The following ADCY5 variants were observed in gnomAD, a reference collection of about 807,000 sequenced individuals.
ADCY5 encodes the protein adenylate cyclase 5.
In ADCY5, 30 loss-of-function variants were observed where a neutral mutation model predicts 119.7. The observed-to-expected ratio is 0.25, with a 90% CI of 0.19 to 0.34. The LOEUF (loss-of-function observed/expected upper bound fraction) is 0.34. ADCY5 is among the 10% of genes least tolerant of loss of function. The pLI, the probability that ADCY5 is intolerant of heterozygous loss-of-function variation, is 1.00. For synonymous variants in ADCY5, 753 were observed against 762.2 expected, an observed-to-expected ratio of 0.99 and a Z score of 0.20; for missense variants, 1,324 against 1,775.2, an observed-to-expected ratio of 0.75 and a Z score of 4.57.
chr3:123,347,959 C>T (rs1295749201), intron 2 of ADCY5, 56 bp from the exon 3 acceptor site: 26 of 1,608,392 alleles, frequency 1.6e-5, no homozygotes, highest in Non-Finnish European at 2.2e-5. Context: ...CTGGCAAGTG[C>T]TCGCTCCTCC....
intron 1 of ADCY5, among the ~76,000 whole-genome samples, chr3:123,378,581 C>T (rs1175571639): frequency 1.3e-5 from 2 of 152,174 alleles, no homozygotes; most frequent in Non-Finnish European, 2.9e-5. Context: ...TCTCACTCCT[C>T]GGGCTCCAGA....
intron 1 of ADCY5, among the ~76,000 whole-genome samples, chr3:123,373,575 G>A (rs1943710315): frequency 6.6e-6 from 1 of 152,334 alleles, no homozygotes; most frequent in South Asian, 2.1e-4. Flanking sequence ...TTAGGACAGA[G>A]GTCCTTGACA....
chr3:123,439,076 C>CTTTTTTTTT (rs57503913), intron 1 of ADCY5, among the ~76,000 whole-genome samples: 1 of 64,728 alleles, frequency 1.5e-5, no homozygotes, highest in African/African-American at 6.5e-5. Context: ...CCCTAAAGTG[C>CTTTTTTTTT]TTTTTTTTTT....
chr3:123,299,661 T>C (rs2108244930), intron 15 of ADCY5, among the ~76,000 whole-genome samples: 1 of 152,286 alleles, frequency 6.6e-6, no homozygotes. Flanking sequence ...TGCCCAGCCT[T>C]ATGTGGTGGG....
intron 20 of ADCY5, among the ~76,000 whole-genome samples, chr3:123,285,032 CCT>C (rs1938642912): frequency 1.3e-5 from 2 of 152,162 alleles, no homozygotes; most frequent in South Asian, 4.1e-4. Context: ...GACTGACTGC[CCT>C]GAGTCCAGAA....
chr3:123,410,186 G>T (rs112633598), intron 1 of ADCY5, among the ~76,000 whole-genome samples: 2 of 152,176 alleles, frequency 1.3e-5, no homozygotes, highest in African/African-American at 4.8e-5. Context: ...AGGGAAGGAT[G>T]GGGGCTGGAA....
intron 1 of ADCY5, among the ~76,000 whole-genome samples, chr3:123,358,195 T>TGTGTGTGTGTGTGTGTGG (rs58986112): frequency 6.7e-6 from 1 of 149,080 alleles, no homozygotes; most frequent in African/African-American, 2.5e-5. Flanking sequence ...TGTGTGTGTG[T>TGTGTGTGTGTGTGTGTGG]AGGGAGTTGG....
chr3:123,366,968 C>T (rs996710958), intron 1 of ADCY5, among the ~76,000 whole-genome samples: 1 of 152,232 alleles, frequency 6.6e-6, no homozygotes, highest in Admixed American at 6.5e-5. Context: ...GGAGATGCTA[C>T]TTAGAAAGAC....
In ADCY5 at chr3:123,319,733, G is replaced by A. The variant is rs1314302188; in HGVS notation, c.2197C>T (p.Arg733Trp). ...AIDARSIDRL[R>W]SEHVRKFLLT... ...AGGAACTTGCGGACGTGCTCAGACCGAAGCCTATCAATGCTCCTGGCGTCA... is the reference window on the plus strand; with the variant it reads ...AGGAACTTGCGGACGTGCTCAGACCAAAGCCTATCAATGCTCCTGGCGTCA... Residue 733 changes from arginine (R) to tryptophan (W), a missense_variant, in exon 10 of 21, where the codon CGG becomes TGG. Coordinates refer to ENST00000462833, the MANE Select transcript of ADCY5 (RefSeq NM_183357.3). The A allele has an allele frequency of 3.1e-6, 5 of 1,614,096 alleles. No homozygotes were observed. The African/African-American group carries it at 4.0e-5, about 13-fold the overall frequency.
chr3:123,410,660 T>G (rs76236908), intron 1 of ADCY5, among the ~76,000 whole-genome samples: 1 of 152,166 alleles, frequency 6.6e-6, no homozygotes, highest in Non-Finnish European at 1.5e-5. Flanking sequence ...CTTTTTTTTT[T>G]GGAGGTAGAA....
At chr3:123,371,565 G>A (rs1006992443) in intron 1 of ADCY5, among the ~76,000 whole-genome samples, 6 of 152,342 alleles carry the variant, frequency 3.9e-5, no homozygotes, top group South Asian at 2.1e-4. Flanking sequence ...GCACGCGGCC[G>A]GACCCAAGCC....
intron 20 of ADCY5, 136 bp from the exon 21 acceptor site, chr3:123,284,872 A>C: frequency 8.5e-7 from 1 of 1,174,324 alleles, no homozygotes; most frequent in East Asian, 2.4e-5. Context: ...TGCCCCACTG[A>C]GGTGCTCTCA....
intron 1 of ADCY5, among the ~76,000 whole-genome samples, chr3:123,429,101 ACTCT>A (rs1475159153): frequency 8.5e-5 from 13 of 152,258 alleles, no homozygotes; most frequent in African/African-American, 2.9e-4. Context: ...CATGCCTGAC[ACTCT>A]GCGTGTCATA....
In ADCY5 at chr3:123,283,115, G is replaced by T. The variant is rs906412817; in HGVS notation, c.*1493C>A. On this transcript the variant is annotated 3_prime_UTR_variant, in exon 21 of 21. Transcript: ENST00000462833. ...TACCCATTCCTCTGCCTGGTTTGCCGGTGGAGGTCAAGGCCACTCCCTTTC... is the reference window on the plus strand; with the variant it reads ...TACCCATTCCTCTGCCTGGTTTGCCTGTGGAGGTCAAGGCCACTCCCTTTC... 2 of 152,186 alleles carry T rather than the reference G, an allele frequency of 1.3e-5. No individual in the cohort carries two copies. The highest frequency in any genetic ancestry group is 2.9e-5 in the Non-Finnish European group (2 of 68,042). The allele number at this position is 152,186 out of a possible 1,614,324, so 9.4% of individuals were successfully genotyped here.
intron 3 of ADCY5, among the ~76,000 whole-genome samples, chr3:123,333,411 G>C (rs1941869638): frequency 6.6e-6 from 1 of 152,250 alleles, no homozygotes; most frequent in Non-Finnish European, 1.5e-5. Flanking sequence ...GAGAGGCAGG[G>C]CTTATGGCCA....
At chr3:123,425,013 G>A (rs1576688601) in intron 1 of ADCY5, among the ~76,000 whole-genome samples, 1 of 152,170 alleles carries the variant, frequency 6.6e-6, no homozygotes, top group Non-Finnish European at 1.5e-5. Context: ...GACTTCTGGC[G>A]CACTGGCACA....
chr3:123,331,387 T>A (rs1941757533), intron 4 of ADCY5, among the ~76,000 whole-genome samples: 1 of 152,244 alleles, frequency 6.6e-6, no homozygotes, highest in African/African-American at 2.4e-5. Context: ...TACAAGGGTC[T>A]CTGGTCCCCT....
rs114988841 is a variant in ADCY5, at chr3:123,428,821, C to T, written c.1134+18591G>A. Among the ~76,000 whole-genome samples, 846 of 152,290 alleles carry T rather than the reference C, an allele frequency of 5.6e-3. 12 individuals carry two copies. The highest frequency in any genetic ancestry group is 0.019 in the African/African-American group (781 of 41,552). The stretch of plus-strand genomic sequence containing the variant: ...GACTCACTGAATCAGACTCTCTTGA[C>T]GAGGGGCCCAGGAATCAAATTTTTA... On this transcript the variant is annotated intron_variant, in intron 1 of 20. Coordinates refer to ENST00000462833, the MANE Select transcript of ADCY5 (RefSeq NM_183357.3).
At chr3:123,325,175 A>G in intron 8 of ADCY5, 147 bp downstream of exon 8, 1 of 1,091,126 alleles carries the variant, frequency 9.2e-7, no homozygotes, top group Middle Eastern at 3.1e-4. Context: ...CTCCTAGTCC[A>G]AAGTTGGGGC....
Sources: allele counts gnomAD v4.1 joint callset (sites outside exome capture counted in the v4.1 genomes callset), GRCh38; gene constraint gnomAD v4.1.1; transcripts MANE v1.5; gene names NCBI Gene and HGNC (gene_info 2026-07-23, HGNC 2026-07-21).